CUBN: variants seen among roughly 807,000 people sequenced by gnomAD.
CUBN encodes the protein 460 kDa receptor.
Under a neutral mutation model 405.3 loss-of-function variants are expected in CUBN, and 282 were observed. The observed-to-expected ratio is 0.70, with a 90% CI of 0.63 to 0.77. The LOEUF is 0.77. Ranked by LOEUF, CUBN falls within the 30% of genes least tolerant of loss-of-function variation. CUBN has a pLI of 0.00. For missense variants in CUBN, 4,514 were observed against 4,475.2 expected (o/e 1.01, Z -0.25); for synonymous variants, 1,684 against 1,617.0 (o/e 1.04, Z -0.99).
intron 45 of CUBN, among the ~76,000 whole-genome samples, 196 bp downstream of exon 45, chr10:16,918,426 C>T (rs189270711): frequency 5.2e-4 from 79 of 151,972 alleles, no homozygotes; most frequent in Non-Finnish European, 7.5e-4. Flanking sequence ...TCCATGAGCA[C>T]GGAATTTTCT....
chr10:16,906,440 G>A, intron 49 of CUBN, 31 bp from the exon 50 acceptor site: 6 of 1,484,084 alleles, frequency 4.0e-6, no homozygotes, highest in Non-Finnish European at 5.7e-6. Flanking sequence ...AGAGAAAGTA[G>A]TAGTAAGATT....
chr10:16,830,862 G>A (rs749436447), intron 65 of CUBN, among the ~76,000 whole-genome samples: 12 of 152,186 alleles, frequency 7.9e-5, no homozygotes, highest in Non-Finnish European at 1.6e-4. Context: ...TTGGGAGGTT[G>A]GATCACCTGA....
chr10:17,106,310 A>T (rs964574332), intron 10 of CUBN, among the ~76,000 whole-genome samples: 8 of 149,420 alleles, frequency 5.4e-5, no homozygotes, highest in Non-Finnish European at 8.9e-5. Context: ...TAATTATAAT[A>T]ATAATAATAC....
rs777910386 is a variant in CUBN, at chr10:17,071,486, G to A, written c.2565C>T (p.Leu855=). 6 of 1,613,850 alleles carry A rather than the reference G, an allele frequency of 3.7e-6. No individual in the cohort carries two copies. The highest frequency in any genetic ancestry group is 5.1e-6 in the Non-Finnish European group (6 of 1,179,942). The change falls in exon 19 of 67, where the codon CTC becomes CTT. Residue 855 remains leucine (L), a synonymous_variant. Transcript: ENST00000377833. ...TIHQPQSQVI[L]LNFTVFEIGS... ...CAATTTCAAAGACAGTGAAGTTGAGGAGAATGACTTGGCTTTGGGGCTGGT... is the reference window on the plus strand; with the variant it reads ...CAATTTCAAAGACAGTGAAGTTGAGAAGAATGACTTGGCTTTGGGGCTGGT...
chr10:16,995,989 G>A (rs1373541897), intron 28 of CUBN, among the ~76,000 whole-genome samples: 3 of 152,076 alleles, frequency 2.0e-5, no homozygotes, highest in African/African-American at 4.8e-5. Context: ...GCAGATGTGG[G>A]TACAAAACCC....
At chr10:16,947,142 C>A in intron 36 of CUBN, 93 bp downstream of exon 36, 1 of 1,326,328 alleles carries the variant, frequency 7.5e-7, no homozygotes, top group Non-Finnish European at 1.1e-6. Context: ...CTAAATTTCA[C>A]GTACACTATG....
At chr10:17,006,627 G>A (rs116924729) in intron 28 of CUBN, among the ~76,000 whole-genome samples, 33 of 152,218 alleles carry the variant, frequency 2.2e-4, no homozygotes, top group Non-Finnish European at 4.4e-4. Context: ...AAACACTGCC[G>A]ACCTCATGGC....
chr10:17,122,827 T>A lies in CUBN; in HGVS notation c.561A>T (p.Gly187=). The A allele has an allele frequency of 6.2e-7, 1 of 1,608,890 alleles. No individual in the cohort carries two copies. The highest frequency in any genetic ancestry group is 8.5e-7 in the Non-Finnish European group (1 of 1,176,416). The change falls in exon 6 of 67, where the codon GGA becomes GGT. Residue 187 remains glycine, a synonymous_variant. Coordinates refer to ENST00000377833, the MANE Select transcript of CUBN (RefSeq NM_001081.4). ...YSGTPLSCQN[G]GTCVNTMGSY... is the part of the protein sequence containing the mutation. Reference sequence around the variant, plus strand: ...TTCCCATTGTATTAACACATGTGCCTCCATTCTGGCAGCTCAAGGGTGTTC... The same window carrying A: ...TTCCCATTGTATTAACACATGTGCCACCATTCTGGCAGCTCAAGGGTGTTC...
At chr10:16,843,095 A>G (rs1395353166) in intron 60 of CUBN, among the ~76,000 whole-genome samples, 2 of 152,188 alleles carry the variant, frequency 1.3e-5, no homozygotes, top group African/African-American at 2.4e-5. Flanking sequence ...TTTCCCAACA[A>G]GGATGTAAGT....
intron 29 of CUBN, 50 bp from the exon 30 acceptor site, chr10:16,984,329 A>G (rs1371608745): frequency 1.9e-6 from 3 of 1,558,948 alleles, no homozygotes; most frequent in Non-Finnish European, 1.8e-6. Context: ...TTAAGCAATT[A>G]CAGGCCCTTG....
At chr10:16,903,672 TTAATTATTAAA>T (rs1248135174) in intron 51 of CUBN, among the ~76,000 whole-genome samples, 8 of 147,750 alleles carry the variant, frequency 5.4e-5, no homozygotes, top group African/African-American at 2.0e-4. Flanking sequence ...TTTATTATTA[TTAATTATTAAA>T]TAATTATTGG....
intron 27 of CUBN, among the ~76,000 whole-genome samples, chr10:17,036,862 A>G (rs1834913988): frequency 6.6e-6 from 1 of 152,176 alleles, no homozygotes; most frequent in South Asian, 2.1e-4. Flanking sequence ...ACACTTCCCC[A>G]TGATCCCTGT....
chr10:16,900,924 G>T, intron 52 of CUBN, 74 bp from the exon 53 acceptor site: 1 of 976,656 alleles, frequency 1.0e-6, no homozygotes, highest in African/African-American at 1.6e-5. Flanking sequence ...CTTACAAATC[G>T]TTTAATTTTG....
At chr10:17,094,391 T>C (rs1297861258) in intron 14 of CUBN, among the ~76,000 whole-genome samples, 1 of 152,116 alleles carries the variant, frequency 6.6e-6, no homozygotes, top group Non-Finnish European at 1.5e-5. Flanking sequence ...TCAACAGACA[T>C]GCTCTGTGAG....
chr10:16,890,911 G>T (rs1303563990), intron 54 of CUBN, among the ~76,000 whole-genome samples: 1 of 152,204 alleles, frequency 6.6e-6, no homozygotes, highest in Non-Finnish European at 1.5e-5. Flanking sequence ...GAAGATAGCA[G>T]ATTGTGGTCA....
chr10:16,853,210 A>G (rs1432194623), intron 59 of CUBN, among the ~76,000 whole-genome samples: 1 of 152,212 alleles, frequency 6.6e-6, no homozygotes, highest in East Asian at 1.9e-4. Flanking sequence ...TTTTGAAAGA[A>G]ATGGTGAAAT....
intron 31 of CUBN, among the ~76,000 whole-genome samples, chr10:16,980,779 G>A (rs1334857507): frequency 2.6e-5 from 4 of 151,746 alleles, no homozygotes; most frequent in Non-Finnish European, 4.4e-5. Context: ...ACCATGGCAC[G>A]TGTATACCTA....
chr10:16,896,228 T>C (rs1841179746), intron 54 of CUBN, among the ~76,000 whole-genome samples: 1 of 152,216 alleles, frequency 6.6e-6, no homozygotes, highest in Non-Finnish European at 1.5e-5. Context: ...AAGGATATTC[T>C]ATTGTATGTA....
intron 54 of CUBN, among the ~76,000 whole-genome samples, chr10:16,891,894 A>C (rs1197654495): frequency 6.6e-6 from 1 of 152,128 alleles, no homozygotes; most frequent in Non-Finnish European, 1.5e-5. Flanking sequence ...CACAATCTGC[A>C]ATACCCAATA....
Sources: gnomAD v4.1 joint callset for allele counts (sites outside exome capture counted in the v4.1 genomes callset) on GRCh38, gnomAD v4.1.1 for gene constraint, MANE v1.5 for transcripts, NCBI Gene and HGNC (gene_info 2026-07-23, HGNC 2026-07-21) for gene names.